B3GLCT: variants seen among roughly 807,000 people sequenced by gnomAD.
B3GLCT encodes beta-1,3-glucosyltransferase.
A neutral mutation model predicts 63.4 loss-of-function variants in B3GLCT; 65 were observed. That is an observed-to-expected ratio of 1.03 (90% CI 0.84 to 1.26). The LOEUF (loss-of-function observed/expected upper bound fraction) is 1.26. B3GLCT is among the 50% of genes most tolerant of loss of function. The pLI is 0.00. For synonymous variants in B3GLCT, 233 were observed against 219.2 expected (o/e 1.06, Z -0.55); for missense variants, 577 against 604.8 (o/e 0.95, Z 0.48).
At chr13:31,282,363 A>G (rs940882662) in intron 10 of B3GLCT, among the ~76,000 whole-genome samples, 17 of 152,122 alleles carry the variant, frequency 1.1e-4, no homozygotes, top group Admixed American at 1.0e-3. Flanking sequence ...GACAGGGCCG[A>G]GTGCGGTGGC....
chr13:31,309,268 T>A lies in B3GLCT; in HGVS notation c.1065-8298T>A, dbSNP rs372482450. Among the ~76,000 whole-genome samples, 108 of 152,360 alleles carry A rather than the reference T, an allele frequency of 7.1e-4. 3 individuals are homozygous for A. In the South Asian group the frequency reaches 0.022, roughly 30 times the overall value. ...CTGAAAAACTCTCAGAACATTTTTT[T>A]CTGTGTTCTTATACCACAACAATCA... On this transcript the variant is annotated intron_variant, in intron 12 of 14. Coordinates refer to ENST00000343307, the MANE Select transcript of B3GLCT (RefSeq NM_194318.4).
rs893173710 is a variant in B3GLCT at position 31,221,176 on chromosome 13, T to G, written c.121-1776T>G. Among the ~76,000 whole-genome samples, 22 of 152,332 alleles carry G rather than the reference T, an allele frequency of 1.4e-4. No individual in the cohort carries two copies. In the South Asian group the frequency reaches 3.3e-3, roughly 23 times the overall value. ...TATCTCATTTGCAAAAGGGGAGTGT[T>G]GGGTTGAATCATCTCCAATGCTGTT... On this transcript the variant is annotated intron_variant, in intron 2 of 14. Transcript: ENST00000343307.
intron 4 of B3GLCT, among the ~76,000 whole-genome samples, chr13:31,233,684 T>C (rs1593261690): frequency 6.6e-6 from 1 of 152,158 alleles, no homozygotes; most frequent in Middle Eastern, 3.2e-3. Flanking sequence ...ATCATGTGGG[T>C]ACACTTGGGC....
chr13:31,309,962 AC>A (rs1278310281), intron 12 of B3GLCT, among the ~76,000 whole-genome samples: 1 of 152,170 alleles, frequency 6.6e-6, no homozygotes, highest in Non-Finnish European at 1.5e-5. Context: ...TTAAATTCCT[AC>A]CTTGGGCAGG....
At chr13:31,310,163 GCA>G in intron 12 of B3GLCT, among the ~76,000 whole-genome samples, 2 of 152,176 alleles carry the variant, frequency 1.3e-5, no homozygotes, top group Admixed American at 1.3e-4. Context: ...GGACCAGTCA[GCA>G]CACACTCCCC....
At chr13:31,317,924 C>T (rs995976582) in intron 13 of B3GLCT, among the ~76,000 whole-genome samples, 2 of 112,560 alleles carry the variant, frequency 1.8e-5, no homozygotes, top group Non-Finnish European at 4.0e-5. Flanking sequence ...TAGAATGTCC[C>T]TAACAATGGT....
intron 1 of B3GLCT, among the ~76,000 whole-genome samples, chr13:31,200,753 A>G (rs1868616893): frequency 1.3e-5 from 2 of 151,980 alleles, no homozygotes; most frequent in Admixed American, 1.3e-4. Context: ...CCTGAGGATA[A>G]GCGGCCAGCT....
chr13:31,229,127 G>A, intron 3 of B3GLCT, 58 bp from the exon 4 acceptor site: 1 of 1,153,880 alleles, frequency 8.7e-7, no homozygotes, highest in Non-Finnish European at 1.3e-6. Context: ...TTGTTTTCAA[G>A]TTTATTTTAA....
intron 8 of B3GLCT, among the ~76,000 whole-genome samples, chr13:31,273,764 C>G (rs1333505701): frequency 6.6e-6 from 1 of 152,172 alleles, no homozygotes; most frequent in Non-Finnish European, 1.5e-5. Flanking sequence ...TTTAAATTAT[C>G]AGTTTGAGAT....
chr13:31,279,544 G>A lies in B3GLCT; in HGVS notation c.850+2773G>A, dbSNP rs528050282. On this transcript the variant is annotated intron_variant, in intron 10 of 14. Transcript: ENST00000343307. ...ATTTTCAAAAGGGGAGGGAGTGTAC[G>A]AATAGGGTGTGGGTCACAGAGATCA... is the stretch of plus-strand genomic sequence containing the variant. Among the ~76,000 whole-genome samples the A allele has an allele frequency of 4.2e-4, 64 of 152,208 alleles. No individual in the cohort carries two copies. In the South Asian group the frequency reaches 0.012, roughly 30 times the overall value.
chr13:31,316,410 TATATATATA>T (rs1875023230), intron 12 of B3GLCT, among the ~76,000 whole-genome samples: 1 of 93,972 alleles, frequency 1.1e-5, no homozygotes, highest in Non-Finnish European at 2.2e-5. Flanking sequence ...GGAGGTTTTA[TATATATATA>T]TATATATATA....
intron 2 of B3GLCT, among the ~76,000 whole-genome samples, chr13:31,218,869 T>C (rs547727907): frequency 6.6e-6 from 1 of 152,326 alleles, no homozygotes; most frequent in African/African-American, 2.4e-5. Context: ...GGTGTGTACC[T>C]TTGATGCCTA....
chr13:31,312,083 G>T (rs1001924781), intron 12 of B3GLCT, among the ~76,000 whole-genome samples: 3 of 152,194 alleles, frequency 2.0e-5, no homozygotes, highest in Non-Finnish European at 4.4e-5. Context: ...GCCTTCAGTG[G>T]CAAATGCCGG....
chr13:31,268,116 G>T (rs554618402), intron 7 of B3GLCT, among the ~76,000 whole-genome samples: 14 of 152,226 alleles, frequency 9.2e-5, no homozygotes, highest in Non-Finnish European at 1.8e-4. Context: ...AAAGTGCTGG[G>T]ATTATAGACA....
At chr13:31,223,390 C>T (rs1447888841) in intron 3 of B3GLCT, among the ~76,000 whole-genome samples, 1 of 152,118 alleles carries the variant, frequency 6.6e-6, no homozygotes, top group East Asian at 1.9e-4. Context: ...GCAGGCCGTC[C>T]GGGAGCAGGC....
intron 7 of B3GLCT, 148 bp from the exon 8 acceptor site, chr13:31,269,066 T>C: frequency 1.6e-6 from 1 of 623,086 alleles, no homozygotes; most frequent in Admixed American, 2.7e-5. Context: ...GTTTTCACAG[T>C]CCTTTCCCTC....
chr13:31,251,658 A>C (rs1323703510), intron 6 of B3GLCT, among the ~76,000 whole-genome samples: 1 of 151,756 alleles, frequency 6.6e-6, no homozygotes, highest in Non-Finnish European at 1.5e-5. Context: ...CAAGAAGACA[A>C]GATTAGAGAA....
chr13:31,245,312 A>G (rs561520245), intron 4 of B3GLCT, among the ~76,000 whole-genome samples: 3 of 152,298 alleles, frequency 2.0e-5, no homozygotes, highest in Admixed American at 6.5e-5. Context: ...TACATTATAT[A>G]TATATCCTAT....
At chr13:31,281,843 A>G (rs1027899767) in intron 10 of B3GLCT, among the ~76,000 whole-genome samples, 1 of 152,194 alleles carries the variant, frequency 6.6e-6, no homozygotes, top group Non-Finnish European at 1.5e-5. Flanking sequence ...TTCAAGTGTC[A>G]AGTTCATTTT....
Sources: allele counts gnomAD v4.1 joint callset (sites outside exome capture counted in the v4.1 genomes callset), GRCh38; gene constraint gnomAD v4.1.1; transcripts MANE v1.5; gene names NCBI Gene and HGNC (gene_info 2026-07-23, HGNC 2026-07-21).